The following PTPRK variants were observed in gnomAD, a reference collection of about 807,000 sequenced individuals.
PTPRK encodes receptor-type tyrosine-protein phosphatase kappa.
Under a neutral mutation model 178.0 loss-of-function variants are expected in PTPRK, and 75 were observed. That is an observed-to-expected ratio of 0.42 (90% CI 0.35 to 0.51). The LOEUF is 0.51. Ranked by LOEUF, PTPRK falls within the 20% of genes least tolerant of loss-of-function variation. The pLI is 0.02. For missense variants in PTPRK, 1,441 were observed against 1,797.8 expected (o/e 0.80, Z 3.59); for synonymous variants, 637 against 620.6 (o/e 1.03, Z -0.39).
intron 11 of PTPRK, among the ~76,000 whole-genome samples, chr6:128,073,708 C>T (rs972338034): frequency 6.6e-6 from 1 of 151,966 alleles, no homozygotes; most frequent in Non-Finnish European, 1.5e-5. Context: ...ACAAGAAGGG[C>T]ATACTTCCTC....
At chr6:128,506,414 C>T (rs1253858179) in intron 1 of PTPRK, among the ~76,000 whole-genome samples, 1 of 152,122 alleles carries the variant, frequency 6.6e-6, no homozygotes. Context: ...CCACCTCCCT[C>T]AACCTACCTA....
chr6:128,494,886 T>A (rs987594858), intron 1 of PTPRK, among the ~76,000 whole-genome samples: 1 of 152,316 alleles, frequency 6.6e-6, no homozygotes, highest in South Asian at 2.1e-4. Flanking sequence ...AGAGCTGAAT[T>A]GCTATTTTTC....
chr6:128,067,325 G>A (rs894487118), intron 12 of PTPRK, among the ~76,000 whole-genome samples, 194 bp downstream of exon 12: 1 of 152,188 alleles, frequency 6.6e-6, no homozygotes, highest in Non-Finnish European at 1.5e-5. Flanking sequence ...CAGGAACCCT[G>A]TGAAATGGAA....
chr6:127,995,105 A>C (rs879469380), intron 18 of PTPRK: 2 of 795,880 alleles, frequency 2.5e-6, no homozygotes, highest in African/African-American at 1.8e-5. Context: ...GAATTACAAA[A>C]AAACGAACAG....
chr6:128,067,737 C>T lies in PTPRK; in HGVS notation c.1939G>A (p.Gly647Arg), dbSNP rs377188182. ...GGAACCTGGTAGCATTCCATGGCTC[C>T]GGCTTCTCTCTTGGTTCGGTGTGGG... ...LHPHRTKREAGAMECYQVPVT... is the reference protein window; with the variant it reads ...LHPHRTKREARAMECYQVPVT... Residue 647 changes from glycine to arginine, a missense_variant, in exon 12 of 30, where the codon GGA becomes AGA. Coordinates refer to ENST00000368226, the MANE Select transcript of PTPRK (RefSeq NM_002844.4). 124 of 1,613,190 alleles carry T rather than the reference C, an allele frequency of 7.7e-5. 1 individual carries two copies. The African/African-American group carries it at 1.3e-3, about 16-fold the overall frequency.
At chr6:128,396,191 AG>A (rs1840275641) in intron 2 of PTPRK, among the ~76,000 whole-genome samples, 1 of 151,656 alleles carries the variant, frequency 6.6e-6, no homozygotes, top group South Asian at 2.1e-4. Flanking sequence ...TTCACACTCA[AG>A]AAGGACTTAC....
intron 13 of PTPRK, among the ~76,000 whole-genome samples, chr6:128,050,208 C>T (rs1219161149): frequency 2.0e-5 from 3 of 152,064 alleles, no homozygotes; most frequent in African/African-American, 7.2e-5. Flanking sequence ...GTAGAGAGAA[C>T]TGAACCTAAA....
intron 3 of PTPRK, among the ~76,000 whole-genome samples, chr6:128,273,191 C>A (rs1334508546): frequency 6.6e-6 from 1 of 151,818 alleles, no homozygotes; most frequent in African/African-American, 2.4e-5. Flanking sequence ...ACAGCACACA[C>A]TGGGGCCTGT....
intron 2 of PTPRK, among the ~76,000 whole-genome samples, chr6:128,388,601 TA>T: frequency 6.6e-6 from 1 of 152,356 alleles, no homozygotes; most frequent in African/African-American, 2.4e-5. Flanking sequence ...ACTTGTTTTA[TA>T]AAGTTCAAAG....
At chr6:128,386,723 T>C (rs1838793927) in intron 2 of PTPRK, among the ~76,000 whole-genome samples, 5 of 152,192 alleles carry the variant, frequency 3.3e-5, no homozygotes. Flanking sequence ...CACTGGATAT[T>C]TCACTCCTAC....
At chr6:128,472,107 A>G (rs117899082) in intron 1 of PTPRK, among the ~76,000 whole-genome samples, 2,596 of 152,256 alleles carry the variant, frequency 0.017, 29 homozygotes, top group Non-Finnish European at 0.027. Flanking sequence ...ACACCTTGCC[A>G]TCTCTCCAAG....
chr6:128,067,364 C>T (rs1781979650), intron 12 of PTPRK, 155 bp downstream of exon 12: 3 of 737,684 alleles, frequency 4.1e-6, no homozygotes, highest in Non-Finnish European at 5.7e-6. Flanking sequence ...CCTACTGTAG[C>T]CCCAAAACTG....
At chr6:128,093,616 A>AAAG (rs1562571101) in intron 7 of PTPRK, among the ~76,000 whole-genome samples, 1 of 148,740 alleles carries the variant, frequency 6.7e-6, no homozygotes, top group African/African-American at 2.5e-5. Context: ...AAAAAAAAAA[A>AAAG]AAAAAAACGA....
chr6:128,407,364 C>A (rs1032037454), intron 1 of PTPRK, among the ~76,000 whole-genome samples: 1 of 152,040 alleles, frequency 6.6e-6, no homozygotes, highest in Admixed American at 6.6e-5. Flanking sequence ...GGGCCTGGCA[C>A]AGTGGCTCAT....
At chr6:127,999,050 C>G (rs564245559) in intron 15 of PTPRK, 146 bp from the exon 16 acceptor site, 13 of 594,266 alleles carry the variant, frequency 2.2e-5, no homozygotes, top group South Asian at 5.2e-5. Flanking sequence ...ACAGTATAGG[C>G]CTAGACAGTA....
intron 13 of PTPRK, among the ~76,000 whole-genome samples, chr6:128,032,217 T>G (rs1775463926): frequency 6.6e-6 from 1 of 152,220 alleles, no homozygotes; most frequent in Non-Finnish European, 1.5e-5. Flanking sequence ...CCCTGCCTCC[T>G]GACTTAATCT....
intron 5 of PTPRK, among the ~76,000 whole-genome samples, chr6:128,222,038 C>G (rs1401959092): frequency 1.3e-5 from 2 of 152,106 alleles, no homozygotes; most frequent in East Asian, 3.9e-4. Flanking sequence ...CAGGTGTGTT[C>G]TCAAACTCTC....
chr6:128,518,033 G>GA (rs201573892), intron 1 of PTPRK, among the ~76,000 whole-genome samples: 1 of 151,576 alleles, frequency 6.6e-6, no homozygotes, highest in African/African-American at 2.4e-5. Flanking sequence ...ATGGTAGCCA[G>GA]AAAAAAAAGG....
intron 11 of PTPRK, among the ~76,000 whole-genome samples, chr6:128,070,131 A>G (rs1020184132): frequency 2.6e-5 from 4 of 152,118 alleles, no homozygotes; most frequent in African/African-American, 7.2e-5. Context: ...TTAATCTTAT[A>G]TATCTTTTCT....
Sources: allele counts gnomAD v4.1 joint callset (sites outside exome capture counted in the v4.1 genomes callset), GRCh38; gene constraint gnomAD v4.1.1; transcripts MANE v1.5; gene names NCBI Gene and HGNC (gene_info 2026-07-23, HGNC 2026-07-21).